ERC1: variants seen among roughly 807,000 people sequenced by gnomAD.
ERC1 encodes RAB6 interacting protein 2.
Under a neutral mutation model 132.0 loss-of-function variants are expected in ERC1, and 56 were observed. The observed-to-expected ratio is 0.42, with a 90% CI of 0.34 to 0.53. The LOEUF is 0.53. Ranked by LOEUF, ERC1 falls within the 20% of genes least tolerant of loss-of-function variation. The pLI is 0.03. For missense variants in ERC1, 1,202 were observed against 1,349.9 expected, an observed-to-expected ratio of 0.89 and a Z score of 1.72; for synonymous variants, 478 against 476.1, an observed-to-expected ratio of 1.00 and a Z score of -0.05.
intron 16 of ERC1, among the ~76,000 whole-genome samples, chr12:1,388,920 C>T (rs2089685823): frequency 2.6e-5 from 4 of 152,152 alleles, no homozygotes; most frequent in Admixed American, 1.3e-4. Flanking sequence ...CAGATCTTGC[C>T]GGCTCTATGA....
Position 1,458,505 on chromosome 12 carries a change from T to C in ERC1, c.3213+13755T>C, listed in dbSNP as rs114924253. On this transcript the variant is annotated intron_variant, in intron 18 of 18. Coordinates refer to ENST00000360905, the MANE Select transcript of ERC1 (RefSeq NM_178040.4). ...GTGTTTATATATGTGTATATGTGTA[T>C]GTATACACATATACACATGTATGTA... Among the ~76,000 whole-genome samples the C allele has an allele frequency of 4.4e-3, 664 of 152,040 alleles. 9 individuals carry two copies. Among genetic ancestry groups the C allele is most frequent in the African/African-American group, 0.015 (630 of 41,524 alleles).
chr12:1,020,100 C>T (rs564633032), intron 1 of ERC1, among the ~76,000 whole-genome samples: 38 of 152,148 alleles, frequency 2.5e-4, no homozygotes, highest in African/African-American at 8.0e-4. Context: ...CTTTAAACAT[C>T]GCAGAAAACA....
chr12:1,285,062 T>A (rs1331498681), intron 14 of ERC1, among the ~76,000 whole-genome samples: 1 of 151,520 alleles, frequency 6.6e-6, no homozygotes, highest in Non-Finnish European at 1.5e-5. Flanking sequence ...TTTAATCGAA[T>A]TTTTTTTTGT....
Position 1,401,177 on chromosome 12 carries a change from G to A in ERC1, c.2926-6972G>A, listed in dbSNP as rs376944077. On this transcript the variant is annotated intron_variant, in intron 16 of 18. Transcript: ENST00000360905. ...TCTCCATCTCCTGACCTTGTGATCCGCCCGTCTCAGCCTTCCAAAGTGCTG... is the reference window on the plus strand; with the variant it reads ...TCTCCATCTCCTGACCTTGTGATCCACCCGTCTCAGCCTTCCAAAGTGCTG... Among the ~76,000 whole-genome samples, 1,464 of 151,688 alleles carry A rather than the reference G, an allele frequency of 9.7e-3. 10 individuals are homozygous for A. Among genetic ancestry groups the A allele is most frequent in the African/African-American group, 0.027 (1,113 of 41,206 alleles).
Position 1,459,454 on chromosome 12 carries a change from G to A in ERC1, c.3213+14704G>A, listed in dbSNP as rs576147592. On this transcript the variant is annotated intron_variant, in intron 18 of 18. Coordinates refer to ENST00000360905, the MANE Select transcript of ERC1 (RefSeq NM_178040.4). Reference sequence around the variant, plus strand: ...AATAGAAATCTTTGAGTCTGTGATGGTATAAAGAAGTGAATGAATGAATGA... The same window carrying A: ...AATAGAAATCTTTGAGTCTGTGATGATATAAAGAAGTGAATGAATGAATGA... 2.0e-5 allele frequency among the ~76,000 whole-genome samples: 3 copies of A among 152,080 alleles called. No homozygotes were observed. In the South Asian group the frequency reaches 6.2e-4, roughly 32 times the overall value.
chr12:1,227,831 A>G (rs1156845441), intron 12 of ERC1, among the ~76,000 whole-genome samples: 2 of 152,286 alleles, frequency 1.3e-5, no homozygotes, highest in East Asian at 3.9e-4. Context: ...ATTTCTGTGT[A>G]TGGTCAGGGA....
chr12:1,390,119 C>T (rs934690839), intron 16 of ERC1, among the ~76,000 whole-genome samples: 1 of 152,086 alleles, frequency 6.6e-6, no homozygotes, highest in Non-Finnish European at 1.5e-5. Flanking sequence ...TACCAGTAGA[C>T]ATTTTATTAA....
chr12:1,106,734 C>T (rs562816448), intron 4 of ERC1, among the ~76,000 whole-genome samples: 5 of 152,066 alleles, frequency 3.3e-5, no homozygotes, highest in African/African-American at 1.2e-4. Context: ...TTGTTAACAC[C>T]TAAGAATAAA....
chr12:995,790 G>A (rs563946102), intron 1 of ERC1, among the ~76,000 whole-genome samples: 1 of 152,234 alleles, frequency 6.6e-6, no homozygotes, highest in East Asian at 1.9e-4. Flanking sequence ...CACCTTCATG[G>A]AACTTACCTT....
intron 7 of ERC1, 82 bp from the exon 8 acceptor site, chr12:1,141,538 T>A: frequency 3.4e-6 from 4 of 1,166,926 alleles, no homozygotes; most frequent in Non-Finnish European, 4.7e-6. Flanking sequence ...AACCTCTTTA[T>A]AACCTTTATA....
chr12:1,051,478 C>T (rs1213216613), intron 2 of ERC1, among the ~76,000 whole-genome samples: 3 of 144,168 alleles, frequency 2.1e-5, no homozygotes, highest in African/African-American at 2.7e-5. Context: ...TCACTTGAGG[C>T]GAGGAGTTTG....
intron 15 of ERC1, among the ~76,000 whole-genome samples, chr12:1,302,419 G>A (rs2080472406): frequency 6.6e-6 from 1 of 152,044 alleles, no homozygotes; most frequent in African/African-American, 2.4e-5. Context: ...CCCTGAGATT[G>A]CAAAAGAGAT....
intron 7 of ERC1, among the ~76,000 whole-genome samples, chr12:1,131,231 A>G (rs1232320475): frequency 6.6e-6 from 1 of 152,138 alleles, no homozygotes; most frequent in Non-Finnish European, 1.5e-5. Context: ...TAGTTTCTCC[A>G]GAGGAGGTTC....
chr12:1,180,790 G>A lies in ERC1; in HGVS notation c.1875+113G>A. 5.4e-6 allele frequency: 7 copies of A among 1,288,846 alleles called. No homozygotes were observed. In the South Asian group the frequency reaches 8.0e-5, roughly 15 times the overall value. 79.8% of individuals were successfully genotyped at this position (1,288,846 alleles called of 1,614,324 possible). A position where few individuals can be genotyped will look rare whatever the true frequency, so the allele number is the denominator to read the frequency against. On this transcript the variant is annotated intron_variant, in intron 9 of 18. Coordinates refer to ENST00000360905, the MANE Select transcript of ERC1 (RefSeq NM_178040.4). ...GGGCACAAGGGAAAAGAGCTGCTGT[G>A]TGCTATTGCTGACATACGTAGTGTG...
At chr12:1,266,695 G>A (rs537351622) in intron 14 of ERC1, among the ~76,000 whole-genome samples, 60 of 152,216 alleles carry the variant, frequency 3.9e-4, no homozygotes, top group South Asian at 2.3e-3. Context: ...GTAAGTCACC[G>A]TGCCTGGCCC....
intron 15 of ERC1, among the ~76,000 whole-genome samples, chr12:1,333,022 CCTGATCCTCGT>C (rs1156417733): frequency 3.2e-4 from 30 of 94,232 alleles, no homozygotes; most frequent in African/African-American, 1.5e-3. Context: ...TATAATTCGT[CCTGATCCTCGT>C]CCTGATCCTC....
At chr12:1,070,050 AGT>A (rs1225046133) in intron 2 of ERC1, among the ~76,000 whole-genome samples, 5 of 152,170 alleles carry the variant, frequency 3.3e-5, no homozygotes, top group Admixed American at 6.5e-5. Flanking sequence ...AATAAGCAAC[AGT>A]GAGAGAGAGA....
intron 17 of ERC1, among the ~76,000 whole-genome samples, chr12:1,429,494 G>A (rs2092731277): frequency 6.6e-6 from 1 of 152,170 alleles, no homozygotes; most frequent in Non-Finnish European, 1.5e-5. Flanking sequence ...TATGTGATGT[G>A]AAACTTTTAT....
At chr12:1,363,345 A>T (rs1245442452) in intron 15 of ERC1, among the ~76,000 whole-genome samples, 1 of 152,166 alleles carries the variant, frequency 6.6e-6, no homozygotes, top group Non-Finnish European at 1.5e-5. Flanking sequence ...ATTTTTCAGA[A>T]AAGGTGAAGG....
Sources: allele counts gnomAD v4.1 joint callset (sites outside exome capture counted in the v4.1 genomes callset), GRCh38; gene constraint gnomAD v4.1.1; transcripts MANE v1.5; gene names NCBI Gene and HGNC (gene_info 2026-07-23, HGNC 2026-07-21).